ZNF594: variants seen among roughly 807,000 people sequenced by gnomAD.
ZNF594 encodes the protein zinc finger protein 594.
For missense variants in ZNF594, 1,037 were observed against 964.6 expected, an observed-to-expected ratio of 1.08 and a Z score of -0.99; for synonymous variants, 336 against 309.4, an observed-to-expected ratio of 1.09 and a Z score of -0.90.
chr17:5,177,373 T>C (rs758442075), downstream of ZNF594, among the ~76,000 whole-genome samples: 1 of 152,122 alleles, frequency 6.6e-6, no homozygotes, highest in Non-Finnish European at 1.5e-5. Context: ...TACTTAGGAC[T>C]ACAAGTTTGA....
Position 5,188,901 on chromosome 17 carries a change from G to C in ZNF594, c.-21+2847C>G, listed in dbSNP as rs749883527. On this transcript the variant is annotated intron_variant, in intron 1 of 1. Transcript: ENST00000575779. Reference sequence around the variant, plus strand: ...TAGCTGGGACTACAGGCGCCCACCAGTACGCCCAGCTAATTTTTTGTACTT... The same window carrying C: ...TAGCTGGGACTACAGGCGCCCACCACTACGCCCAGCTAATTTTTTGTACTT... Among the ~76,000 whole-genome samples the C allele has an allele frequency of 1.4e-3, 209 of 151,728 alleles. 1 individual carries two copies. The highest frequency in any genetic ancestry group is 3.4e-3 in the Middle Eastern group (1 of 294).
At chr17:5,184,502 G>A in intron 1 of ZNF594, 1 of 489,186 alleles carries the variant, frequency 2.0e-6, no homozygotes. Flanking sequence ...CTGGGCTGTG[G>A]GAGTGGCCTA....
downstream of ZNF594, chr17:5,174,772 TTAAC>T (rs1268950322): frequency 1.1e-4 from 22 of 199,898 alleles, no homozygotes; most frequent in Non-Finnish European, 1.9e-4. Flanking sequence ...ATTTATTAAA[TTAAC>T]TATTAACTAC....
intron 1 of ZNF594, among the ~76,000 whole-genome samples, chr17:5,185,775 G>T (rs1366138688): frequency 6.6e-6 from 1 of 152,130 alleles, no homozygotes; most frequent in Non-Finnish European, 1.5e-5. Flanking sequence ...GGGAGAAATT[G>T]GCCAAAACAA....
intron 1 of ZNF594, among the ~76,000 whole-genome samples, chr17:5,191,194 T>C (rs1347316737): frequency 6.6e-6 from 1 of 152,110 alleles, no homozygotes; most frequent in Non-Finnish European, 1.5e-5. Flanking sequence ...AGTGTGGCGT[T>C]TCTCTGTAAC....
intron 1 of ZNF594, among the ~76,000 whole-genome samples, chr17:5,185,878 C>T (rs191591243): frequency 6.6e-6 from 1 of 152,338 alleles, no homozygotes; most frequent in Admixed American, 6.5e-5. Context: ...GGTCTCACAT[C>T]CAGGTCATGC....
At chr17:5,186,710 T>C (rs979195528) in intron 1 of ZNF594, among the ~76,000 whole-genome samples, 1 of 152,238 alleles carries the variant, frequency 6.6e-6, no homozygotes, top group Non-Finnish European at 1.5e-5. Context: ...AAGTCACACC[T>C]TGAATGTTTT....
Position 5,183,930 on chromosome 17 carries a change from T to C in ZNF594, c.327A>G (p.Lys109=). Residue 109 remains lysine (K), a synonymous_variant, in exon 2 of 2, where the codon AAA becomes AAG. Transcript: ENST00000575779. The stretch of plus-strand genomic sequence containing the variant: ...GATGTTCAGTTAATCCTGACTTCTG[T>C]TTGAAGTTTTGGCCACTAACCTCAT... ...HRYEVSGQNF[K]QKSGLTEHQK... 1 of 1,613,926 alleles carries C rather than the reference T, an allele frequency of 6.2e-7. No homozygotes were observed. Among genetic ancestry groups the C allele is most frequent in the South Asian group, 1.1e-5 (1 of 91,062 alleles).
chr17:5,178,178 T>A (rs1224018087), downstream of ZNF594, among the ~76,000 whole-genome samples: 3 of 149,072 alleles, frequency 2.0e-5, no homozygotes, highest in Admixed American at 6.6e-5. Flanking sequence ...ACAAATATTC[T>A]AAAAAAAACC....
chr17:5,183,073 T>C lies in ZNF594; in HGVS notation c.1184A>G (p.Gln395Arg). 6.2e-7 allele frequency: 1 copy of C among 1,614,200 alleles called. No individual in the cohort carries two copies. Among genetic ancestry groups the C allele is most frequent in the South Asian group, 1.1e-5 (1 of 91,084 alleles). Residue 395 changes from glutamine to arginine, a missense_variant, in exon 2 of 2, where the codon CAG becomes CGG. Transcript: ENST00000575779. ...TGGTTTCTCTCCTGTATGAGTTACC[T>C]GATGTCTGATGAGGTCTGAGGTGCC... is the stretch of plus-strand genomic sequence containing the variant. ...FQGTSDLIRH[Q>R]VTHTGEKPYE...
At position 5,181,221 on chromosome 17, in the gene ZNF594, T is replaced by C. The variant is rs776225322; in HGVS notation, c.*612A>G. On this transcript the variant is annotated 3_prime_UTR_variant, in exon 2 of 2. Transcript: ENST00000575779. ...GCCCCTAAAAGATTTCCCACATTTGTTGCATACATAAGGTTTTTCTCCACT... is the reference window on the plus strand; with the variant it reads ...GCCCCTAAAAGATTTCCCACATTTGCTGCATACATAAGGTTTTTCTCCACT... 2.2e-5 allele frequency: 36 copies of C among 1,612,034 alleles called. No homozygotes were observed. The highest frequency in any genetic ancestry group is 1.2e-4 in the Admixed American group (7 of 60,024).
chr17:5,180,934 T>C lies in ZNF594; in HGVS notation c.*899A>G, dbSNP rs1356011700. Reference sequence around the variant, plus strand: ...AGTTTTACTGCATTCATTAGGTTTCTGCTACCTATTAGAATAGGTCCTGTT... The same window carrying C: ...AGTTTTACTGCATTCATTAGGTTTCCGCTACCTATTAGAATAGGTCCTGTT... On this transcript the variant is annotated 3_prime_UTR_variant, in exon 2 of 2. Transcript: ENST00000575779. 1.5e-6 allele frequency: 1 copy of C among 664,178 alleles called. No homozygotes were observed. Among genetic ancestry groups the C allele is most frequent in the Non-Finnish European group, 2.8e-6 (1 of 362,882 alleles). 41.1% of individuals were successfully genotyped at this position (664,178 alleles called of 1,614,324 possible).
chr17:5,182,281 T>G lies in ZNF594; in HGVS notation c.1976A>C (p.Lys659Thr). Residue 659 changes from lysine (K) to threonine (T), a missense_variant, in exon 2 of 2, where the codon AAA (lysine) becomes ACA (threonine). Coordinates refer to ENST00000575779, the MANE Select transcript of ZNF594 (RefSeq NM_032530.2). The part of the protein sequence containing the change: ...EKPYECSECG[K>T]AFSQRSHLAT... The stretch of plus-strand genomic sequence containing the variant: ...AAGGTGTGACCTCTGGCTGAAGGCT[T>G]TCCCACATTCACTACATTCATAGGG... The G allele has an allele frequency of 3.1e-6, 5 of 1,613,638 alleles. No homozygotes were observed. Among genetic ancestry groups the G allele is most frequent in the Non-Finnish European group, 4.2e-6 (5 of 1,179,970 alleles).
downstream of ZNF594, among the ~76,000 whole-genome samples, chr17:5,178,467 A>G (rs574554151): frequency 3.5e-4 from 54 of 152,254 alleles, no homozygotes; most frequent in African/African-American, 1.3e-3. Flanking sequence ...TAAACTACAT[A>G]AGGAATACAG....
Position 5,183,453 on chromosome 17 carries a change from T to C in ZNF594, c.804A>G (p.Glu268=), listed in dbSNP as rs2074363219. The C allele has an allele frequency of 6.2e-7, 1 of 1,614,040 alleles. No individual in the cohort carries two copies. Among genetic ancestry groups the C allele is most frequent in the Non-Finnish European group, 8.5e-7 (1 of 1,180,022 alleles). The change falls in exon 2 of 2, where the codon GAA becomes GAG. Residue 268 remains glutamate (E), a synonymous_variant. Coordinates refer to ENST00000575779, the MANE Select transcript of ZNF594 (RefSeq NM_032530.2). Reference sequence around the variant, plus strand: ...TGAACATCTGTCCACAGTCATAACATTCATAGGGTTTCTCTCCAGTGTGAA... The same window carrying C: ...TGAACATCTGTCCACAGTCATAACACTCATAGGGTTTCTCTCCAGTGTGAA... The part of the protein sequence containing the change: ...HRIHTGEKPY[E]CYDCGQMFSQ...
downstream of ZNF594, among the ~76,000 whole-genome samples, chr17:5,177,049 A>C (rs113001179): frequency 0.1 from 15,384 of 151,876 alleles, 900 homozygotes; most frequent in Non-Finnish European, 0.11. Flanking sequence ...ACAAAAAATT[A>C]GCCAGGCGGG....
intron 1 of ZNF594, among the ~76,000 whole-genome samples, chr17:5,190,323 G>A (rs1038949965): frequency 6.6e-6 from 1 of 152,092 alleles, no homozygotes; most frequent in African/African-American, 2.4e-5. Context: ...AGCCGAGATC[G>A]CACCACTGCA....
chr17:5,189,693 A>G (rs2074409286), intron 1 of ZNF594, among the ~76,000 whole-genome samples: 1 of 151,036 alleles, frequency 6.6e-6, no homozygotes, highest in African/African-American at 2.4e-5. Flanking sequence ...AGCTAGTTTA[A>G]ATAATTTTTT....
chr17:5,183,124 C>T lies in ZNF594; in HGVS notation c.1133G>A (p.Cys378Tyr). ...RIHQEEKAYWCNQCGRNFQGT... is the reference protein window; with the variant it reads ...RIHQEEKAYWYNQCGRNFQGT... Reference sequence around the variant, plus strand: ...CTGGAAATTCCTACCACACTGATTACACCAATAAGCTTTCTCTTCCTGGTG... The same window carrying T: ...CTGGAAATTCCTACCACACTGATTATACCAATAAGCTTTCTCTTCCTGGTG... Residue 378 changes from cysteine to tyrosine, a missense_variant, in exon 2 of 2, where the codon TGT (cysteine) becomes TAT (tyrosine). Physicochemically the swap from Cys to Tyr is radical, Grantham distance 194. Transcript: ENST00000575779. 1 of 1,614,186 alleles carries T rather than the reference C, an allele frequency of 6.2e-7. No homozygotes were observed. Among genetic ancestry groups the T allele is most frequent in the African/African-American group, 1.3e-5 (1 of 75,046 alleles).
Sources: allele counts gnomAD v4.1 joint callset (sites outside exome capture counted in the v4.1 genomes callset), GRCh38; gene constraint gnomAD v4.1.1; transcripts MANE v1.5; gene names NCBI Gene and HGNC (gene_info 2026-07-23, HGNC 2026-07-21).